The following CYP3A4 variants were observed in gnomAD, a reference collection of about 807,000 sequenced individuals.
CYP3A4 encodes cytochrome P450 family 3 subfamily A member 4.
In CYP3A4, 41 loss-of-function variants were observed where a neutral mutation model predicts 54.9. The observed-to-expected ratio is 0.75, with a 90% confidence interval of 0.58 to 0.97. The LOEUF (loss-of-function observed/expected upper bound fraction) is 0.97. Ranked by LOEUF, CYP3A4 falls within the 50% of genes least tolerant of loss-of-function variation. The probability of loss-of-function intolerance (pLI) is 0.00; values close to 1 mark genes in which losing one functional copy is unlikely to be tolerated. For synonymous variants in CYP3A4, 179 were observed against 205.2 expected, an observed-to-expected ratio of 0.87 and a Z score of 1.09; for missense variants, 510 against 597.3, an observed-to-expected ratio of 0.85 and a Z score of 1.52.
At chr7:99,761,075 C>CTGTGTA in intron 11 of CYP3A4, 94 bp from the exon 12 acceptor site, 1 of 1,382,024 alleles carries the variant, frequency 7.2e-7, no homozygotes, top group East Asian at 2.3e-5. Flanking sequence ...CACCCCTCAA[C>CTGTGTA]TAGTAGTACA....
At position 99,763,876 on chromosome 7, in the gene CYP3A4, A is replaced by G. The variant is rs1433755806; in HGVS notation, c.1005T>C (p.Ile335=). 1 of 1,614,016 alleles carries G rather than the reference A, an allele frequency of 6.2e-7. No homozygotes were observed. The highest frequency in any genetic ancestry group is 1.3e-5 in the African/African-American group (1 of 75,020). ...PDVQQKLQEE[I]DAVLPNKAPP... is the part of the protein sequence containing the mutation. ...TCACCTTATTGGGTAAAACTGCATCAATTTCCTCCTGCAGTTTCTGCTGGA... is the reference window on the plus strand; with the variant it reads ...TCACCTTATTGGGTAAAACTGCATCGATTTCCTCCTGCAGTTTCTGCTGGA... Residue 335 remains isoleucine, a synonymous_variant, in exon 10 of 13, where the codon ATT becomes ATC. Transcript: ENST00000651514.
chr7:99,768,778 A>C (rs1320756894), intron 6 of CYP3A4, among the ~76,000 whole-genome samples: 1 of 152,220 alleles, frequency 6.6e-6, no homozygotes, highest in African/African-American at 2.4e-5. Context: ...ACCCACTATC[A>C]GACAACTACA....
chr7:99,764,676 G>A (rs1473031765), intron 9 of CYP3A4, among the ~76,000 whole-genome samples: 1 of 152,210 alleles, frequency 6.6e-6, no homozygotes, highest in Non-Finnish European at 1.5e-5. Flanking sequence ...AGTGATTTGT[G>A]TGCATAGCCT....
chr7:99,779,741 A>G (rs754621967), intron 2 of CYP3A4, among the ~76,000 whole-genome samples: 7 of 152,198 alleles, frequency 4.6e-5, no homozygotes, highest in Admixed American at 1.3e-4. Context: ...AAGTTTGCAC[A>G]TCAAGTTCTG....
chr7:99,768,630 A>G lies in CYP3A4; in HGVS notation c.522-128T>C, dbSNP rs535936234. 9.8e-6 allele frequency: 15 copies of G among 1,533,666 alleles called. No individual in the cohort carries two copies. In the Admixed American group the frequency reaches 1.6e-4, roughly 16 times the overall value. On this transcript the variant is annotated intron_variant, in intron 6 of 12. Coordinates refer to ENST00000651514, the MANE Select transcript of CYP3A4 (RefSeq NM_017460.6). ...AGCCACAGACTTTCAGATCTACTAGATCACCTTCTATCACACTCCATCAGA... is the reference window on the plus strand; with the variant it reads ...AGCCACAGACTTTCAGATCTACTAGGTCACCTTCTATCACACTCCATCAGA...
rs2151560143 is a variant in CYP3A4 at position 99,770,064 on chromosome 7, C to G, written c.432+58G>C. ...AAGGGACTGTGATCTTATTTTATAC[C>G]TGTCCCCACCAGATTCATTCTTTAA... is the stretch of plus-strand genomic sequence containing the variant. On this transcript the variant is annotated intron_variant, in intron 5 of 12. Coordinates refer to ENST00000651514, the MANE Select transcript of CYP3A4 (RefSeq NM_017460.6). The G allele has an allele frequency of 2.6e-6, 4 of 1,566,342 alleles. No homozygotes were observed. In the East Asian group the frequency reaches 9.0e-5, roughly 35 times the overall value.
In CYP3A4 at chr7:99,778,015, C is replaced by A. The variant is rs377530978; in HGVS notation, c.218+13G>T. On this transcript the variant is annotated intron_variant, in intron 3 of 12. Coordinates refer to ENST00000651514, the MANE Select transcript of CYP3A4 (RefSeq NM_017460.6). ...AAACAAGTCTATCCAATGGAAGTTT[C>A]CAGAATACTCACCCCCACACTTTTC... 5.0e-6 allele frequency: 8 copies of A among 1,610,068 alleles called. No individual in the cohort carries two copies. Among genetic ancestry groups the A allele is most frequent in the Non-Finnish European group, 6.8e-6 (8 of 1,176,488 alleles).
At chr7:99,770,263 C>T (rs767315897) in intron 4 of CYP3A4, 28 bp from the exon 5 acceptor site, 1 of 1,576,628 alleles carries the variant, frequency 6.3e-7, no homozygotes, top group East Asian at 2.2e-5. Context: ...AACATTTTGT[C>T]CTACATCAGT....
chr7:99,769,599 C>T (rs1022234806), intron 6 of CYP3A4, 169 bp downstream of exon 6: 12 of 641,020 alleles, frequency 1.9e-5, no homozygotes, highest in African/African-American at 1.6e-4. Flanking sequence ...AGCTGCCCCA[C>T]CTCCTCATCG....
At chr7:99,765,930 T>A (rs1301050732) in intron 9 of CYP3A4, among the ~76,000 whole-genome samples, 1 of 152,112 alleles carries the variant, frequency 6.6e-6, no homozygotes, top group Non-Finnish European at 1.5e-5. Flanking sequence ...GGCTCCTGAT[T>A]GGATGTTAGA....
chr7:99,777,942 G>T (rs1388703440), intron 3 of CYP3A4, 86 bp downstream of exon 3: 11 of 1,026,090 alleles, frequency 1.1e-5, no homozygotes, highest in Non-Finnish European at 1.7e-5. Context: ...ATCCCAAGAG[G>T]CTTTGGGCTG....
chr7:99,777,953 A>G (rs1380883579), intron 3 of CYP3A4, 75 bp downstream of exon 3: 4 of 1,198,054 alleles, frequency 3.3e-6, no homozygotes, highest in Non-Finnish European at 5.0e-6. Context: ...CTTTGGGCTG[A>G]GACTGTCCTC....
intron 4 of CYP3A4, among the ~76,000 whole-genome samples, chr7:99,771,869 T>G (rs1342227537): frequency 6.6e-6 from 1 of 152,148 alleles, no homozygotes; most frequent in Non-Finnish European, 1.5e-5. Context: ...GTTGGAGGAA[T>G]TGGACAGCCA....
intron 9 of CYP3A4, 131 bp from the exon 10 acceptor site, chr7:99,764,146 C>G: frequency 1.5e-6 from 2 of 1,342,186 alleles, no homozygotes; most frequent in East Asian, 2.4e-5. Flanking sequence ...CAGAGGTACA[C>G]TGGGGGTGGT....
At position 99,779,992 on chromosome 7, in the gene CYP3A4, C is replaced by T. The variant is rs1355253989; in HGVS notation, c.165G>A (p.Lys55=). 2 of 1,612,302 alleles carry T rather than the reference C, an allele frequency of 1.2e-6. No individual in the cohort carries two copies. Among genetic ancestry groups the T allele is most frequent in the East Asian group, 2.2e-5 (1 of 44,812 alleles). The change falls in exon 2 of 13, where the codon AAG becomes AAA. Residue 55 remains lysine, a splice_region_variant and synonymous_variant. Transcript: ENST00000651514. ...PFLGNILSYH[K]GFCMFDMECH... ...AAAGAGTGAGCTCAAAAACACTCAC[C>T]TTATGGTAGGACAAAATATTTCCCA...
chr7:99,769,794 C>G lies in CYP3A4; in HGVS notation c.495G>C (p.Glu165Asp). The G allele has an allele frequency of 6.2e-7, 1 of 1,613,982 alleles. No homozygotes were observed. Among genetic ancestry groups the G allele is most frequent in the African/African-American group, 1.3e-5 (1 of 75,024 alleles). The change falls in exon 6 of 13, where the codon GAG becomes GAC. Residue 165 changes from glutamate to aspartate, a missense_variant. Coordinates refer to ENST00000651514, the MANE Select transcript of CYP3A4 (RefSeq NM_017460.6). ...VLVRNLRREAETGKPVTLKDV... is the reference protein window; with the variant it reads ...VLVRNLRREADTGKPVTLKDV... ...CTTTCAAGGTGACAGGCTTGCCTGTCTCTGCTTCCCGCCTCAGATTTCTCA... is the reference window on the plus strand; with the variant it reads ...CTTTCAAGGTGACAGGCTTGCCTGTGTCTGCTTCCCGCCTCAGATTTCTCA...
At chr7:99,779,914 GA>G in intron 2 of CYP3A4, 77 bp downstream of exon 2, 1 of 1,364,358 alleles carries the variant, frequency 7.3e-7, no homozygotes, top group Non-Finnish European at 1.0e-6. Flanking sequence ...TCCCCCTGAG[GA>G]GAAGCATTTT....
Position 99,766,429 on chromosome 7 carries a change from G to A in CYP3A4, c.813C>T (p.Phe271=). 1 of 1,613,648 alleles carries A rather than the reference G, an allele frequency of 6.2e-7. No homozygotes were observed. Among genetic ancestry groups the A allele is most frequent in the Non-Finnish European group, 8.5e-7 (1 of 1,179,702 alleles). ...TCTGAGAGTCAATCATCAGCTGAAG[G>A]AAATCCACTCGGTGCTAGAAGCAAA... The part of the protein sequence containing the change: ...LEDTQKHRVD[F]LQLMIDSQNS... Residue 271 remains phenylalanine, a synonymous_variant, in exon 9 of 13, where the codon TTC becomes TTT. Transcript: ENST00000651514.
chr7:99,781,489 A>G (rs757831910), intron 1 of CYP3A4, among the ~76,000 whole-genome samples: 1 of 152,178 alleles, frequency 6.6e-6, no homozygotes, highest in Non-Finnish European at 1.5e-5. Flanking sequence ...GCCTGCTTGC[A>G]ACTCATCTTT....
Sources: gnomAD v4.1 joint callset for allele counts (sites outside exome capture counted in the v4.1 genomes callset) on GRCh38, gnomAD v4.1.1 for gene constraint, MANE v1.5 for transcripts, NCBI Gene and HGNC (gene_info 2026-07-23, HGNC 2026-07-21) for gene names.